The following CUBN variants were observed in gnomAD, a reference collection of about 807,000 sequenced individuals.
The protein encoded by CUBN is 460 kDa receptor.
Under a neutral mutation model 405.3 loss-of-function variants are expected in CUBN, and 282 were observed. The ratio of observed to expected loss-of-function variants is 0.70; its 90% CI spans 0.63 to 0.77. The LOEUF (loss-of-function observed/expected upper bound fraction) is 0.77, where lower values mean the gene tolerates loss of function less well. CUBN is among the 30% of genes least tolerant of loss of function. The pLI is 0.00. For synonymous variants in CUBN, 1,684 were observed against 1,617.0 expected (o/e 1.04, Z -0.99); for missense variants, 4,514 against 4,475.2 (o/e 1.01, Z -0.25).
chr10:16,889,938 A>AAAAAAAAAAAAAACAAAAAAAAAC (rs1554788540), intron 55 of CUBN, among the ~76,000 whole-genome samples: 10 of 129,436 alleles, frequency 7.7e-5, no homozygotes, highest in African/African-American at 2.8e-4. Context: ...GCCGTGTCAA[A>AAAAAAAAAAAAAACAAAAAAAAAC]AAAAAAAAAA....
At chr10:16,862,541 C>A (rs181880104) in intron 59 of CUBN, among the ~76,000 whole-genome samples, 1 of 152,276 alleles carries the variant, frequency 6.6e-6, no homozygotes, top group East Asian at 1.9e-4. Context: ...AAATGTACAG[C>A]TACCATGTAA....
chr10:17,071,556 A>G lies in CUBN; in HGVS notation c.2495T>C (p.Phe832Ser). ...TGEGVIRSPF[F>S]PNVYPGERTC... ...TCTTTCTCCAGGATACACGTTAGGA[A>G]AAAAAGGCGAGCGAATGACCCCTTC... is the stretch of plus-strand genomic sequence containing the variant. Residue 832 changes from phenylalanine to serine, a missense_variant, in exon 19 of 67, where the codon TTT (phenylalanine) becomes TCT (serine). Physicochemically the swap from Phe to Ser is radical, Grantham distance 155 (BLOSUM62 -2). Transcript: ENST00000377833. 1 of 1,613,978 alleles carries G rather than the reference A, an allele frequency of 6.2e-7. No homozygotes were observed. The highest frequency in any genetic ancestry group is 1.1e-5 in the South Asian group (1 of 91,070).
At chr10:16,918,580 G>C in intron 45 of CUBN, 42 bp downstream of exon 45, 1 of 1,472,068 alleles carries the variant, frequency 6.8e-7, no homozygotes, top group Non-Finnish European at 9.4e-7. Context: ...ATCTGCACAT[G>C]TACCCCTGAA....
intron 31 of CUBN, among the ~76,000 whole-genome samples, chr10:16,980,294 G>T (rs924138749): frequency 6.6e-6 from 1 of 152,132 alleles, no homozygotes; most frequent in Non-Finnish European, 1.5e-5. Context: ...AATTCCTCAA[G>T]GATCTAGAAC....
At position 17,129,754 on chromosome 10, in the gene CUBN, C is replaced by T. The variant is rs1259269193; in HGVS notation, c.12G>A (p.Met4Ile). The part of the protein sequence containing the change: MMN[M>I]SLPFLWSLLT... ...GCAAACTCCAAAGAAAAGGTAAAGA[C>T]ATGTTCATCATCAACCTCCCAGGTT... Residue 4 changes from methionine to isoleucine, a missense_variant, in exon 1 of 67, where the codon ATG (methionine) becomes ATA (isoleucine). Met to Ile is a conservative substitution (Grantham distance 10). Transcript: ENST00000377833. The T allele has an allele frequency of 6.2e-7, 1 of 1,613,996 alleles. No individual in the cohort carries two copies. Among genetic ancestry groups the T allele is most frequent in the Non-Finnish European group, 8.5e-7 (1 of 1,179,982 alleles).
chr10:16,909,069 T>G (rs1455877776), intron 48 of CUBN, among the ~76,000 whole-genome samples: 1 of 151,290 alleles, frequency 6.6e-6, no homozygotes, highest in Non-Finnish European at 1.5e-5. Flanking sequence ...GTATTTTTAG[T>G]AGAGACGGGG....
At chr10:16,976,193 A>T (rs568499798) in intron 31 of CUBN, among the ~76,000 whole-genome samples, 36 of 151,886 alleles carry the variant, frequency 2.4e-4, no homozygotes, top group African/African-American at 7.5e-4. Flanking sequence ...GCTGGTCTCA[A>T]ACTCCTGGGC....
chr10:17,014,947 C>A (rs34034628), intron 28 of CUBN, among the ~76,000 whole-genome samples: 1 of 151,850 alleles, frequency 6.6e-6, no homozygotes, highest in Non-Finnish European at 1.5e-5. Flanking sequence ...GAACAGCAAA[C>A]CAATCTGCCT....
chr10:16,935,965 G>GT (rs1410998911), intron 39 of CUBN, among the ~76,000 whole-genome samples: 1 of 151,546 alleles, frequency 6.6e-6, no homozygotes, highest in African/African-American at 2.4e-5. Context: ...AAATATTAAG[G>GT]TTTTTTAAGT....
chr10:16,902,587 G>T (rs577762658), intron 51 of CUBN, among the ~76,000 whole-genome samples: 12 of 151,986 alleles, frequency 7.9e-5, no homozygotes, highest in African/African-American at 2.9e-4. Flanking sequence ...CTGGCAAGAT[G>T]GTTGAGTGAG....
At chr10:16,940,880 GT>G (rs1314092618) in intron 36 of CUBN, among the ~76,000 whole-genome samples, 1 of 152,134 alleles carries the variant, frequency 6.6e-6, no homozygotes, top group Non-Finnish European at 1.5e-5. Flanking sequence ...CGCTGCAAAG[GT>G]GTATGTACTT....
intron 27 of CUBN, among the ~76,000 whole-genome samples, chr10:17,026,138 T>A (rs1834656965): frequency 6.6e-6 from 1 of 152,156 alleles, no homozygotes; most frequent in South Asian, 2.1e-4. Context: ...TCTCAGGGCA[T>A]CTGCTCAGAT....
At chr10:16,849,787 C>T (rs575806184) in intron 60 of CUBN, among the ~76,000 whole-genome samples, 1 of 152,326 alleles carries the variant, frequency 6.6e-6, no homozygotes, top group South Asian at 2.1e-4. Context: ...CCCTCCCAGC[C>T]TCCTCTCCTT....
chr10:17,019,943 A>T lies in CUBN; in HGVS notation c.4058T>A (p.Val1353Glu), dbSNP rs569435968. Reference protein sequence around the residue: ...GPRQMGRYCGVDLPPPGSTTS... With the variant: ...GPRQMGRYCGEDLPPPGSTTS... ...AGTACTCCCTGGAGGGGGCAGGTCT[A>T]CTCCACAGTAGCGTCCCATCTGCCG... Residue 1353 changes from valine (V) to glutamate (E), a missense_variant, in exon 28 of 67, where the codon GTA (valine) becomes GAA (glutamate). By Grantham distance (121) the Val-to-Glu change is moderately radical. Coordinates refer to ENST00000377833, the MANE Select transcript of CUBN (RefSeq NM_001081.4). 82 of 1,613,992 alleles carry T rather than the reference A, an allele frequency of 5.1e-5. No homozygotes were observed. In the South Asian group the frequency reaches 8.5e-4, roughly 17 times the overall value.
At position 16,993,002 on chromosome 10, in the gene CUBN, C is replaced by T. The variant is rs78021311; in HGVS notation, c.4169-2487G>A. ...ACCAATGCCCAACTCCAGGGAGCAC[C>T]GCTCACAGGACATTCTATAACAGGA... On this transcript the variant is annotated intron_variant, in intron 28 of 66. Transcript: ENST00000377833. 3.3e-4 allele frequency among the ~76,000 whole-genome samples: 50 copies of T among 152,272 alleles called. 1 individual carries two copies. The highest frequency in any genetic ancestry group is 8.7e-4 in the African/African-American group (36 of 41,540).
intron 17 of CUBN, among the ~76,000 whole-genome samples, chr10:17,072,645 TGTG>T (rs1232576401): frequency 6.6e-6 from 1 of 152,118 alleles, no homozygotes; most frequent in Non-Finnish European, 1.5e-5. Context: ...TACAAAATCA[TGTG>T]GTATTCATAA....
chr10:16,939,392 G>A (rs1223153334), intron 37 of CUBN, among the ~76,000 whole-genome samples: 1 of 152,144 alleles, frequency 6.6e-6, no homozygotes, highest in Non-Finnish European at 1.5e-5. Context: ...AAGGGGTTCT[G>A]AGCCCCTAGG....
At chr10:17,119,449 C>T (rs966481262) in intron 6 of CUBN, among the ~76,000 whole-genome samples, 3 of 152,156 alleles carry the variant, frequency 2.0e-5, no homozygotes, top group Non-Finnish European at 4.4e-5. Flanking sequence ...CACCTGAGGT[C>T]AGGAGTTTGA....
chr10:16,970,236 C>G lies in CUBN; in HGVS notation c.4695+12248G>C, dbSNP rs182090247. 4.3e-3 allele frequency among the ~76,000 whole-genome samples: 662 copies of G among 152,322 alleles called. 4 individuals are homozygous for G. The highest frequency in any genetic ancestry group is 7.6e-3 in the Non-Finnish European group (520 of 68,036). On this transcript the variant is annotated intron_variant, in intron 31 of 66. Coordinates refer to ENST00000377833, the MANE Select transcript of CUBN (RefSeq NM_001081.4). ...ATTTGAATTCTTAACACTTTTCCTT[C>G]TATTGACAAATGAAGGCTGGGCTTA...
Sources: gnomAD v4.1 joint callset for allele counts (sites outside exome capture counted in the v4.1 genomes callset) on GRCh38, gnomAD v4.1.1 for gene constraint, MANE v1.5 for transcripts, NCBI Gene and HGNC (gene_info 2026-07-23, HGNC 2026-07-21) for gene names.